Variants in CCSER1 observed in about 807,000 individuals in gnomAD.
CCSER1 encodes coiled-coil serine rich protein 1.
Under a neutral mutation model 82.0 loss-of-function variants are expected in CCSER1, and 41 were observed. The ratio of observed to expected loss-of-function variants is 0.50; its 90% CI spans 0.39 to 0.65. The LOEUF is 0.65. CCSER1 is among the 30% of genes least tolerant of loss of function. The probability of loss-of-function intolerance (pLI) is 0.00; values close to 1 mark genes in which losing one functional copy is unlikely to be tolerated. For synonymous variants in CCSER1, 414 were observed against 383.9 expected (o/e 1.08, Z -0.92); for missense variants, 1,119 against 1,064.2 (o/e 1.05, Z -0.72).
At chr4:90,943,634 C>T (rs990938007) in intron 9 of CCSER1, among the ~76,000 whole-genome samples, 1 of 151,786 alleles carries the variant, frequency 6.6e-6, no homozygotes, top group Non-Finnish European at 1.5e-5. Context: ...GCGATCATGG[C>T]TCACTGCAGC....
intron 9 of CCSER1, among the ~76,000 whole-genome samples, chr4:91,024,625 CAATCTT>C (rs1286329472): frequency 6.6e-6 from 1 of 151,922 alleles, no homozygotes; most frequent in African/African-American, 2.4e-5. Flanking sequence ...TTGAGATAAT[CAATCTT>C]AATCAACAGT....
At chr4:90,864,944 G>T (rs563863983) in intron 8 of CCSER1, among the ~76,000 whole-genome samples, 17 of 152,080 alleles carry the variant, frequency 1.1e-4, no homozygotes, top group African/African-American at 3.4e-4. Context: ...GTTCTCGAGA[G>T]GTTTTGACTA....
intron 6 of CCSER1, among the ~76,000 whole-genome samples, chr4:90,661,191 A>T (rs1730706749): frequency 6.6e-6 from 1 of 152,192 alleles, no homozygotes; most frequent in African/African-American, 2.4e-5. Flanking sequence ...TTACCTACAG[A>T]ATCCCCTGTA....
At chr4:91,499,656 C>T (rs1759102691) in intron 10 of CCSER1, among the ~76,000 whole-genome samples, 1 of 151,944 alleles carries the variant, frequency 6.6e-6, no homozygotes, top group African/African-American at 2.4e-5. Context: ...TAATCTTTGA[C>T]AGCCACTGAT....
chr4:91,532,190 A>T (rs1761068316), intron 10 of CCSER1, among the ~76,000 whole-genome samples: 1 of 152,196 alleles, frequency 6.6e-6, no homozygotes, highest in Non-Finnish European at 1.5e-5. Flanking sequence ...CTTCATATTG[A>T]AGGAGAGTTT....
intron 3 of CCSER1, among the ~76,000 whole-genome samples, chr4:90,365,656 T>C (rs1451100265): frequency 6.6e-6 from 1 of 151,850 alleles, no homozygotes; most frequent in Non-Finnish European, 1.5e-5. Context: ...ATACTTACTA[T>C]TTTGAAATAC....
At chr4:90,628,606 A>G (rs1192322683) in intron 6 of CCSER1, among the ~76,000 whole-genome samples, 8 of 152,174 alleles carry the variant, frequency 5.3e-5, no homozygotes, top group Admixed American at 1.3e-4. Context: ...CTTTGTTTAT[A>G]TGATACCATA....
At chr4:91,569,613 T>G (rs1338114316) in intron 10 of CCSER1, among the ~76,000 whole-genome samples, 2 of 152,100 alleles carry the variant, frequency 1.3e-5, no homozygotes, top group Non-Finnish European at 2.9e-5. Context: ...AAATGCCAGA[T>G]GCTTATAAAA....
rs138581017 is a variant in CCSER1 at position 90,729,663 on chromosome 4, C to T, written c.2010+5672C>T. 9.2e-5 allele frequency among the ~76,000 whole-genome samples: 14 copies of T among 152,254 alleles called. No individual in the cohort carries two copies. In the East Asian group the frequency reaches 2.5e-3, roughly 27 times the overall value. On this transcript the variant is annotated intron_variant, in intron 7 of 10. Transcript: ENST00000509176. ...GGCTGAGGCGGTTGGATCACAAGGT[C>T]AGGGGATCGAGACCATTCTGGCTAA...
At chr4:90,721,526 A>T (rs1013839358) in intron 6 of CCSER1, among the ~76,000 whole-genome samples, 2 of 151,930 alleles carry the variant, frequency 1.3e-5, no homozygotes, top group African/African-American at 2.4e-5. Flanking sequence ...ATGAAGCCAT[A>T]ATTCTGACAG....
At chr4:90,523,544 TTAATA>T (rs1211120077) in intron 5 of CCSER1, among the ~76,000 whole-genome samples, 1 of 152,186 alleles carries the variant, frequency 6.6e-6, no homozygotes, top group African/African-American at 2.4e-5. Flanking sequence ...TTATATGATA[TTAATA>T]TAATCACAAA....
chr4:91,035,467 G>A (rs1741355493), intron 9 of CCSER1, among the ~76,000 whole-genome samples: 1 of 152,146 alleles, frequency 6.6e-6, no homozygotes, highest in East Asian at 1.9e-4. Flanking sequence ...TAAAACTGAA[G>A]GGCACTGTGC....
intron 9 of CCSER1, among the ~76,000 whole-genome samples, chr4:90,994,287 A>C (rs1007730731): frequency 6.6e-6 from 1 of 152,126 alleles, no homozygotes; most frequent in African/African-American, 2.4e-5. Context: ...ATCTAGCCTA[A>C]CTACAAATGT....
At chr4:91,186,463 C>T (rs995235840) in intron 10 of CCSER1, among the ~76,000 whole-genome samples, 5 of 152,176 alleles carry the variant, frequency 3.3e-5, no homozygotes, top group African/African-American at 7.2e-5. Context: ...TTCCAACCAT[C>T]GCTCCGGCAA....
At chr4:90,248,289 A>G (rs1000398002) in intron 1 of CCSER1, among the ~76,000 whole-genome samples, 3 of 152,194 alleles carry the variant, frequency 2.0e-5, no homozygotes, top group Non-Finnish European at 4.4e-5. Context: ...TATTGAATGA[A>G]TGTATTAAAT....
chr4:90,281,778 C>G (rs992480296), intron 1 of CCSER1, among the ~76,000 whole-genome samples: 1 of 152,006 alleles, frequency 6.6e-6, no homozygotes, highest in Non-Finnish European at 1.5e-5. Context: ...AGATTTTGTA[C>G]TCATTTACAT....
intron 10 of CCSER1, among the ~76,000 whole-genome samples, chr4:91,305,319 T>C (rs1043313362): frequency 2.0e-5 from 3 of 152,060 alleles, no homozygotes; most frequent in Non-Finnish European, 4.4e-5. Flanking sequence ...AAAATGACTA[T>C]AACAGTAAAT....
At chr4:91,331,129 G>A (rs1423780676) in intron 10 of CCSER1, among the ~76,000 whole-genome samples, 2 of 152,058 alleles carry the variant, frequency 1.3e-5, no homozygotes, top group South Asian at 2.1e-4. Flanking sequence ...ATGATTCATA[G>A]AATGTTGGAA....
chr4:90,359,202 G>C (rs1744864227), intron 3 of CCSER1, among the ~76,000 whole-genome samples: 1 of 152,080 alleles, frequency 6.6e-6, no homozygotes, highest in South Asian at 2.1e-4. Context: ...CATCCAGAGA[G>C]ACTATTGTTA....
Sources: gnomAD v4.1 joint callset for allele counts (sites outside exome capture counted in the v4.1 genomes callset) on GRCh38, gnomAD v4.1.1 for gene constraint, MANE v1.5 for transcripts, NCBI Gene and HGNC (gene_info 2026-07-23, HGNC 2026-07-21) for gene names.